The following NBAS variants were observed in gnomAD, a reference collection of about 807,000 sequenced individuals.
NBAS encodes NAG/BC035112 fusion.
In NBAS, 219 loss-of-function variants were observed where a neutral mutation model predicts 302.5. The observed-to-expected ratio is 0.72, with a 90% CI of 0.65 to 0.81. NBAS has a LOEUF of 0.81. NBAS is among the 30% of genes least tolerant of loss of function. The probability of loss-of-function intolerance (pLI) is 0.00; values close to 1 mark genes in which losing one functional copy is unlikely to be tolerated. For missense variants in NBAS, 2,932 were observed against 2,841.6 expected (o/e 1.03, Z -0.72); for synonymous variants, 1,118 against 1,021.6 (o/e 1.09, Z -1.80).
the NBAS span, among the ~76,000 whole-genome samples, chr2:14,885,527 C>T: frequency 6.6e-6 from 1 of 152,210 alleles, no homozygotes; most frequent in South Asian, 2.1e-4. Context: ...GTAGGATTTA[C>T]GAGTCCGGAG....
chr2:15,253,353 A>C (rs1180555659), intron 44 of NBAS, among the ~76,000 whole-genome samples: 3 of 152,038 alleles, frequency 2.0e-5, no homozygotes, highest in Non-Finnish European at 2.9e-5. Flanking sequence ...CTCCCAAGCT[A>C]TACCTGCAAA....
chr2:15,135,520 G>T, the NBAS span, among the ~76,000 whole-genome samples: 22 of 152,288 alleles, frequency 1.4e-4, 1 homozygote, highest in South Asian at 2.1e-3. Flanking sequence ...CCGCCCTGCT[G>T]CACGGTACAC....
At chr2:14,907,959 G>T in the NBAS span, among the ~76,000 whole-genome samples, 2 of 152,300 alleles carry the variant, frequency 1.3e-5, no homozygotes, top group East Asian at 3.9e-4. Context: ...AGTTCTCCAA[G>T]TATCCTCTCC....
chr2:14,952,911 G>A, the NBAS span, among the ~76,000 whole-genome samples: 3 of 152,244 alleles, frequency 2.0e-5, no homozygotes, highest in African/African-American at 7.2e-5. Context: ...ACACGTAGGA[G>A]AAGCAACTCA....
chr2:15,377,743 T>C (rs1261604675), intron 30 of NBAS, among the ~76,000 whole-genome samples: 2 of 152,178 alleles, frequency 1.3e-5, no homozygotes, highest in African/African-American at 2.4e-5. Context: ...CACAATGCTG[T>C]AAAGCATATG....
chr2:15,421,070 T>C (rs1347067235), intron 23 of NBAS, among the ~76,000 whole-genome samples: 1 of 152,104 alleles, frequency 6.6e-6, no homozygotes, highest in African/African-American at 2.4e-5. Context: ...TTTTTTACCT[T>C]AATGCCTAGT....
At chr2:15,372,997 AG>A in intron 31 of NBAS, among the ~76,000 whole-genome samples, 1 of 152,296 alleles carries the variant, frequency 6.6e-6, no homozygotes, top group East Asian at 1.9e-4. Flanking sequence ...AATCCGTAAC[AG>A]CATGGCCTAA....
the NBAS span, among the ~76,000 whole-genome samples, chr2:15,086,007 G>A: frequency 6.6e-6 from 1 of 152,068 alleles, no homozygotes; most frequent in African/African-American, 2.4e-5. Flanking sequence ...GGGAAGGGGT[G>A]GGGTCCCCAG....
At chr2:15,432,535 A>G (rs898098255) in intron 21 of NBAS, among the ~76,000 whole-genome samples, 1 of 152,182 alleles carries the variant, frequency 6.6e-6, no homozygotes, top group East Asian at 1.9e-4. Flanking sequence ...TATTTCAAAG[A>G]AATTTCATGA....
the NBAS span, among the ~76,000 whole-genome samples, chr2:14,793,809 GA>G: frequency 6.6e-6 from 1 of 152,044 alleles, no homozygotes; most frequent in East Asian, 1.9e-4. Flanking sequence ...CTTAAAAACA[GA>G]TAAATACCAT....
the NBAS span, among the ~76,000 whole-genome samples, chr2:15,111,127 T>G: frequency 3.3e-5 from 5 of 152,118 alleles, no homozygotes; most frequent in African/African-American, 1.2e-4. Flanking sequence ...CAGCCTGTAA[T>G]AAAGCTGAAT....
intron 36 of NBAS, 98 bp from the exon 37 acceptor site, chr2:15,328,410 G>C: frequency 2.0e-6 from 2 of 1,006,612 alleles, no homozygotes; most frequent in Non-Finnish European, 3.1e-6. Context: ...GAGGGAGGAA[G>C]AAAAGGCTGA....
At chr2:15,160,602 G>GGGGGGGGGGGGC in the NBAS span, among the ~76,000 whole-genome samples, 1 of 122,496 alleles carries the variant, frequency 8.2e-6, no homozygotes, top group Non-Finnish European at 1.7e-5. Flanking sequence ...AGGGGGGGGG[G>GGGGGGGGGGGGC]CAGGAGGCTG....
At chr2:15,407,544 A>T (rs1676475195) in intron 25 of NBAS, among the ~76,000 whole-genome samples, 1 of 152,170 alleles carries the variant, frequency 6.6e-6, no homozygotes, top group South Asian at 2.1e-4. Flanking sequence ...GAGAGTGGAG[A>T]TTATTTGCCA....
chr2:15,087,770 C>T, the NBAS span, among the ~76,000 whole-genome samples: 1 of 152,228 alleles, frequency 6.6e-6, no homozygotes, highest in East Asian at 1.9e-4. Context: ...GTGTACCATT[C>T]ACATGGATAA....
chr2:14,981,330 A>G, the NBAS span, among the ~76,000 whole-genome samples: 1 of 152,228 alleles, frequency 6.6e-6, no homozygotes, highest in Non-Finnish European at 1.5e-5. Context: ...TCAAAAGTAA[A>G]AGAAAATGAT....
At chr2:15,316,663 G>T (rs1172320808) in intron 38 of NBAS, among the ~76,000 whole-genome samples, 4 of 152,218 alleles carry the variant, frequency 2.6e-5, no homozygotes, top group African/African-American at 4.8e-5. Flanking sequence ...GCAGCAGCCT[G>T]GCTGGGGGAG....
chr2:14,987,751 C>T, the NBAS span, among the ~76,000 whole-genome samples: 1 of 152,032 alleles, frequency 6.6e-6, no homozygotes, highest in African/African-American at 2.4e-5. Flanking sequence ...CATAATCTTA[C>T]CTCACAAAGA....
the NBAS span, among the ~76,000 whole-genome samples, chr2:14,831,042 G>C: frequency 3.9e-5 from 6 of 152,154 alleles, no homozygotes; most frequent in African/African-American, 1.4e-4. Context: ...GCCACCATGT[G>C]AAGACCACAG....
Sources: allele counts gnomAD v4.1 joint callset (sites outside exome capture counted in the v4.1 genomes callset), GRCh38; gene constraint gnomAD v4.1.1; transcripts MANE v1.5; gene names NCBI Gene and HGNC (gene_info 2026-07-23, HGNC 2026-07-21).